The following DNER variants were observed in gnomAD, a reference collection of about 807,000 sequenced individuals.
DNER encodes delta and Notch-like epidermal growth factor-related receptor.
Under a neutral mutation model 78.2 loss-of-function variants are expected in DNER, and 33 were observed. That is an observed-to-expected ratio of 0.42 (90% confidence interval 0.32 to 0.56). The LOEUF is 0.56. Among genes scored for constraint, DNER ranks in the 20% least tolerant of loss-of-function variants. DNER has a pLI of 0.11. For missense variants in DNER, 918 were observed against 975.3 expected (o/e 0.94, Z 0.78); for synonymous variants, 417 against 384.8 (o/e 1.08, Z -0.98).
chr2:229,618,577 C>T (rs1268448112), intron 1 of DNER, among the ~76,000 whole-genome samples: 1 of 152,164 alleles, frequency 6.6e-6, no homozygotes, highest in Admixed American at 6.5e-5. Context: ...ACGCACAGCC[C>T]ACCCCAGTGA....
chr2:229,648,865 T>C (rs189053807), intron 1 of DNER, among the ~76,000 whole-genome samples: 28 of 152,348 alleles, frequency 1.8e-4, no homozygotes, highest in African/African-American at 6.7e-4. Context: ...GAATAACTCA[T>C]CACCTCTATA....
chr2:229,422,527 G>C (rs1574836560), intron 8 of DNER, among the ~76,000 whole-genome samples: 2 of 152,130 alleles, frequency 1.3e-5, no homozygotes, highest in Non-Finnish European at 2.9e-5. Context: ...TGGCTGCCAT[G>C]TCTAGCTGAG....
chr2:229,618,113 G>C (rs7608440), intron 1 of DNER, among the ~76,000 whole-genome samples: 1,747 of 152,274 alleles, frequency 0.011, 21 homozygotes, highest in African/African-American at 0.039. Flanking sequence ...GAGCCTGCCA[G>C]CCCTATATTC....
chr2:229,587,002 G>T (rs1268305987), intron 3 of DNER: 3 of 985,232 alleles, frequency 3.0e-6, no homozygotes, highest in Non-Finnish European at 3.6e-6. Context: ...ATCTCACTTC[G>T]TCTGAGTCAG....
chr2:229,566,278 A>G lies in DNER; in HGVS notation c.848-19186T>C, dbSNP rs114613715. Among the ~76,000 whole-genome samples, 1,007 of 152,286 alleles carry G rather than the reference A, an allele frequency of 6.6e-3. 13 individuals are homozygous for G. Among genetic ancestry groups the G allele is most frequent in the African/African-American group, 0.023 (942 of 41,550 alleles). ...GTTCTAATACAGCTCTTTGCTCCAC[A>G]CTGATTTAAAATCCCAAGTTGAAGT... On this transcript the variant is annotated intron_variant, in intron 4 of 12. Coordinates refer to ENST00000341772, the MANE Select transcript of DNER (RefSeq NM_139072.4).
chr2:229,591,701 G>C lies in DNER; in HGVS notation c.464C>G (p.Pro155Arg). ...GTCAGGCTCCTGAGTAGCAGGAACAGGCTGAAGCTGTCGGGGTGCCATGGA... is the reference window on the plus strand; with the variant it reads ...GTCAGGCTCCTGAGTAGCAGGAACACGCTGAAGCTGTCGGGGTGCCATGGA... Reference protein sequence around the residue: ...TESMAPRQLQPVPATQEPDKI... With the variant: ...TESMAPRQLQRVPATQEPDKI... The change falls in exon 2 of 13, where the codon CCT becomes CGT. Residue 155 changes from proline to arginine, a missense_variant. By Grantham distance (103) the Pro-to-Arg change is moderately radical. Transcript: ENST00000341772. The surrounding 1 kb of genome is among the most constrained non-coding windows in gnomAD (Gnocchi z 4.6). 6.2e-7 allele frequency: 1 copy of C among 1,614,240 alleles called. No homozygotes were observed. Among genetic ancestry groups the C allele is most frequent in the East Asian group, 2.2e-5 (1 of 44,882 alleles).
chr2:229,388,274 A>G lies in DNER; in HGVS notation c.1846T>C (p.Cys616Arg). 1 of 1,607,358 alleles carries G rather than the reference A, an allele frequency of 6.2e-7. No individual in the cohort carries two copies. The highest frequency in any genetic ancestry group is 1.3e-5 in the African/African-American group (1 of 74,514). ...CTGCAGAAATACTTACGGATCTCACAGTTTGCTCCCACCCAACCATGCGGG... is the reference window on the plus strand; with the variant it reads ...CTGCAGAAATACTTACGGATCTCACGGTTTGCTCCCACCCAACCATGCGGG... The part of the protein sequence containing the change: ...HCPHGWVGAN[C>R]EIHLQWKSGH... Residue 616 changes from cysteine (C) to arginine (R), a missense_variant, in exon 11 of 13, where the codon TGT becomes CGT. Coordinates refer to ENST00000341772, the MANE Select transcript of DNER (RefSeq NM_139072.4).
At chr2:229,504,802 A>C (rs1695700941) in intron 6 of DNER, among the ~76,000 whole-genome samples, 1 of 152,234 alleles carries the variant, frequency 6.6e-6, no homozygotes, top group South Asian at 2.1e-4. Flanking sequence ...ACCTGGGTTC[A>C]AATCCCAGCC....
At chr2:229,366,732 A>G in intron 12 of DNER, 141 bp downstream of exon 12, 1 of 1,310,034 alleles carries the variant, frequency 7.6e-7, no homozygotes, top group Non-Finnish European at 1.0e-6. Context: ...CGAATGATCT[A>G]TCCCCAAATA....
chr2:229,680,461 G>A (rs1192103161), intron 1 of DNER, among the ~76,000 whole-genome samples: 1 of 152,196 alleles, frequency 6.6e-6, no homozygotes, highest in Non-Finnish European at 1.5e-5. Flanking sequence ...AACCAGAGAA[G>A]AACCACTGCC....
Position 229,443,103 on chromosome 2 carries a change from A to C in DNER, c.1486+4213T>G, listed in dbSNP as rs1166693087. ...CATCTTAGATCTTGCTTGTTAAAAA[A>C]AATTATAAACATATTTCCACGTAAA... On this transcript the variant is annotated intron_variant, in intron 8 of 12. Coordinates refer to ENST00000341772, the MANE Select transcript of DNER (RefSeq NM_139072.4). Among the ~76,000 whole-genome samples, 5 of 152,336 alleles carry C rather than the reference A, an allele frequency of 3.3e-5. No homozygotes were observed. The East Asian group carries it at 9.6e-4, about 29-fold the overall frequency.
chr2:229,407,562 C>G (rs1309345990), intron 9 of DNER, among the ~76,000 whole-genome samples: 1 of 152,182 alleles, frequency 6.6e-6, no homozygotes, highest in African/African-American at 2.4e-5. Flanking sequence ...GTCCATAGGT[C>G]CCACCATAGT....
chr2:229,684,595 A>G (rs2154217223), intron 1 of DNER, among the ~76,000 whole-genome samples: 1 of 152,176 alleles, frequency 6.6e-6, no homozygotes, highest in South Asian at 2.1e-4. Context: ...TACGTACCTC[A>G]AACTGAGCTC....
intron 1 of DNER, among the ~76,000 whole-genome samples, chr2:229,675,628 A>G (rs2154216947): frequency 6.6e-6 from 1 of 152,292 alleles, no homozygotes; most frequent in Admixed American, 6.5e-5. Context: ...TCCTACCAGA[A>G]GGATGGTACT....
chr2:229,669,866 C>G (rs534869041), intron 1 of DNER, among the ~76,000 whole-genome samples: 1 of 152,130 alleles, frequency 6.6e-6, no homozygotes. Flanking sequence ...AAATAAATGT[C>G]GTCCATAACA....
At position 229,714,242 on chromosome 2, in the gene DNER, G is replaced by A. The variant is rs1699957160; in HGVS notation, c.182C>T (p.Ser61Leu). 1.4e-6 allele frequency: 2 copies of A among 1,419,398 alleles called. No individual in the cohort carries two copies. Among genetic ancestry groups the A allele is most frequent in the African/African-American group, 3.0e-5 (2 of 67,076 alleles). 87.9% of individuals were successfully genotyped at this position (1,419,398 alleles called of 1,614,324 possible). Residue 61 changes from serine to leucine, a missense_variant, in exon 1 of 13, where the codon TCG (serine) becomes TTG (leucine). Ser to Leu is a moderately radical substitution (Grantham distance 145, BLOSUM62 -2). Coordinates refer to ENST00000341772, the MANE Select transcript of DNER (RefSeq NM_139072.4). ...GTGCTGCGGGTCCGGCTCAGGGCGC[G>A]AGGTGCACACACCCCCATTCCGGCA... ...QPCRNGGVCT[S>L]RPEPDPQHPA...
At chr2:229,648,662 C>A (rs1231400941) in intron 1 of DNER, among the ~76,000 whole-genome samples, 1 of 152,170 alleles carries the variant, frequency 6.6e-6, no homozygotes, top group Non-Finnish European at 1.5e-5. Context: ...TAAAAATAAT[C>A]TTTAGTTTTG....
intron 9 of DNER, among the ~76,000 whole-genome samples, chr2:229,413,344 A>C (rs1287556366): frequency 3.8e-5 from 1 of 26,418 alleles, no homozygotes; most frequent in South Asian, 7.7e-4. Flanking sequence ...TTTTTTTTTG[A>C]CGGAGTCTCG....
At position 229,445,266 on chromosome 2, in the gene DNER, C is replaced by T. The variant is rs77939572; in HGVS notation, c.1486+2050G>A. 2.9e-3 allele frequency among the ~76,000 whole-genome samples: 438 copies of T among 152,210 alleles called. 2 individuals carry two copies. Among genetic ancestry groups the T allele is most frequent in the African/African-American group, 9.7e-3 (401 of 41,534 alleles). ...ACACGCAGCTCACAGCATGTGAGCC[C>T]GAATCCACATGGAAGAAAACTGGAC... On this transcript the variant is annotated intron_variant, in intron 8 of 12. Transcript: ENST00000341772.
Sources: gnomAD v4.1 joint callset for allele counts (sites outside exome capture counted in the v4.1 genomes callset) on GRCh38, gnomAD v4.1.1 for gene constraint, Gnocchi (gnomAD v3.1) non-coding constraint, MANE v1.5 for transcripts, NCBI Gene and HGNC (gene_info 2026-07-23, HGNC 2026-07-21) for gene names.